ME3: variants seen among roughly 807,000 people sequenced by gnomAD.
ME3 encodes malic enzyme 3.
Under a neutral mutation model 68.9 loss-of-function variants are expected in ME3, and 48 were observed. That is an observed-to-expected ratio of 0.70 (90% confidence interval 0.55 to 0.89). The LOEUF (loss-of-function observed/expected upper bound fraction) is 0.89, where lower values mean the gene tolerates loss of function less well. Among genes scored for constraint, ME3 ranks in the 40% least tolerant of loss-of-function variants. The probability of loss-of-function intolerance (pLI) is 0.00; values close to 1 mark genes in which losing one functional copy is unlikely to be tolerated. For synonymous variants in ME3, 320 were observed against 318.8 expected, an observed-to-expected ratio of 1.00 and a Z score of -0.04; for missense variants, 675 against 797.4, an observed-to-expected ratio of 0.85 and a Z score of 1.85.
intron 2 of ME3, among the ~76,000 whole-genome samples, chr11:86,640,665 C>G (rs17149245): frequency 6.6e-6 from 1 of 152,220 alleles, no homozygotes; most frequent in African/African-American, 2.4e-5. Flanking sequence ...AGCTATCTCA[C>G]TTTGCCTCTT....
intron 2 of ME3, among the ~76,000 whole-genome samples, chr11:86,651,561 C>A (rs921302337): frequency 6.6e-6 from 1 of 152,212 alleles, no homozygotes; most frequent in Non-Finnish European, 1.5e-5. Context: ...AACTAACCAA[C>A]AGAAAGGACA....
At chr11:86,501,793 T>G (rs1454854976) in intron 5 of ME3, among the ~76,000 whole-genome samples, 1 of 152,256 alleles carries the variant, frequency 6.6e-6, no homozygotes, top group African/African-American at 2.4e-5. Flanking sequence ...TTCTGCTGAT[T>G]GTGCCTGCTT....
At chr11:86,604,112 A>G (rs923954946) in intron 2 of ME3, among the ~76,000 whole-genome samples, 5 of 113,036 alleles carry the variant, frequency 4.4e-5, no homozygotes, top group Admixed American at 4.0e-4. Flanking sequence ...AAAAAAAGTT[A>G]AAAAAAAAAA....
chr11:86,547,029 G>A (rs1381129704), intron 4 of ME3, among the ~76,000 whole-genome samples: 1 of 152,002 alleles, frequency 6.6e-6, no homozygotes, highest in East Asian at 1.9e-4. Context: ...ACAAGGTCAG[G>A]AGATTGAGAC....
At chr11:86,608,498 G>A (rs1216901201) in intron 2 of ME3, among the ~76,000 whole-genome samples, 1 of 152,140 alleles carries the variant, frequency 6.6e-6, no homozygotes, top group African/African-American at 2.4e-5. Context: ...GATGTTTTCA[G>A]GTGTAATTTA....
intron 2 of ME3, among the ~76,000 whole-genome samples, chr11:86,660,590 ATTT>A (rs1471089074): frequency 2.6e-5 from 4 of 152,282 alleles, no homozygotes; most frequent in Non-Finnish European, 5.9e-5. Flanking sequence ...AATTCCCTCG[ATTT>A]TTAGCCTTTG....
intron 2 of ME3, among the ~76,000 whole-genome samples, chr11:86,668,414 A>G (rs900917509): frequency 6.6e-6 from 1 of 152,238 alleles, no homozygotes; most frequent in African/African-American, 2.4e-5. Flanking sequence ...TCTTTAAAAA[A>G]ATTGCTGGTA....
intron 2 of ME3, among the ~76,000 whole-genome samples, chr11:86,636,271 TTTTG>T (rs1386780224): frequency 2.6e-5 from 4 of 151,990 alleles, no homozygotes; most frequent in African/African-American, 7.2e-5. Flanking sequence ...TTCTTTTTTT[TTTTG>T]TTTGTTTGTT....
chr11:86,552,696 T>C (rs900394934), intron 4 of ME3, among the ~76,000 whole-genome samples: 12 of 152,172 alleles, frequency 7.9e-5, no homozygotes, highest in African/African-American at 2.9e-4. Flanking sequence ...TCCTCTGCCA[T>C]AGTTCAAAAT....
At chr11:86,650,623 G>A (rs1300974984) in intron 2 of ME3, among the ~76,000 whole-genome samples, 1 of 152,142 alleles carries the variant, frequency 6.6e-6, no homozygotes, top group Admixed American at 6.6e-5. Context: ...GGGAAGTCAA[G>A]ATGGCCAAAT....
intron 2 of ME3, among the ~76,000 whole-genome samples, chr11:86,631,490 G>C (rs1944012381): frequency 6.6e-6 from 1 of 152,092 alleles, no homozygotes. Context: ...AAGGGGTTTA[G>C]TGGTTCCCAA....
At chr11:86,618,522 A>T (rs1374192102) in intron 2 of ME3, among the ~76,000 whole-genome samples, 1 of 151,916 alleles carries the variant, frequency 6.6e-6, no homozygotes, top group Admixed American at 6.6e-5. Flanking sequence ...TCTAAATCTA[A>T]ACATACACAG....
intron 8 of ME3, chr11:86,462,801 C>A: frequency 2.4e-6 from 1 of 424,440 alleles, no homozygotes; most frequent in South Asian, 1.7e-5. Flanking sequence ...CAGAGGGGAA[C>A]ACCTGAGGGG....
rs145707601 is a variant in ME3 at position 86,566,924 on chromosome 11, A to T, written c.184-7101T>A. Among the ~76,000 whole-genome samples the T allele has an allele frequency of 2.0e-3, 305 of 152,208 alleles. 1 individual carries two copies. Among genetic ancestry groups the T allele is most frequent in the African/African-American group, 6.4e-3 (264 of 41,526 alleles). On this transcript the variant is annotated intron_variant, in intron 2 of 14. Coordinates refer to ENST00000543262, the Ensembl canonical transcript of ME3. ...GGAGTTGTGAGAAAGGAGTGGATAA[A>T]AAAAGAAGAGTGGCCAGGCGCGATG... is the stretch of plus-strand genomic sequence containing the variant.
intron 7 of ME3, 143 bp downstream of exon 7, chr11:86,487,194 G>C: frequency 1.5e-6 from 1 of 671,784 alleles, no homozygotes; most frequent in Non-Finnish European, 2.6e-6. Context: ...ATCACTCCTA[G>C]GGGTCAAGTT....
intron 4 of ME3, among the ~76,000 whole-genome samples, chr11:86,540,268 T>C (rs1163263329): frequency 6.6e-6 from 1 of 152,192 alleles, no homozygotes; most frequent in Non-Finnish European, 1.5e-5. Context: ...CTTTTTTTGT[T>C]GTTGTTGTTG....
At chr11:86,597,741 G>T (rs1291718575) in intron 2 of ME3, among the ~76,000 whole-genome samples, 1 of 152,116 alleles carries the variant, frequency 6.6e-6, no homozygotes, top group Non-Finnish European at 1.5e-5. Context: ...CCCGTGACAG[G>T]GCCCTCAGGA....
intron 2 of ME3, among the ~76,000 whole-genome samples, chr11:86,603,951 G>T (rs1219318036): frequency 1.1e-4 from 12 of 105,194 alleles, no homozygotes; most frequent in African/African-American, 2.9e-4. Context: ...GTTGTGGGGT[G>T]GGGGGAGGGG....
chr11:86,518,894 A>G (rs1047272559), intron 4 of ME3, among the ~76,000 whole-genome samples: 5 of 152,246 alleles, frequency 3.3e-5, no homozygotes, highest in African/African-American at 4.8e-5. Context: ...GATTGGACTG[A>G]TGCATCCAGA....
Sources: allele counts gnomAD v4.1 joint callset (sites outside exome capture counted in the v4.1 genomes callset), GRCh38; gene constraint gnomAD v4.1.1; transcripts MANE v1.5; gene names NCBI Gene and HGNC (gene_info 2026-07-23, HGNC 2026-07-21).